ZHX2: variants seen among roughly 807,000 people sequenced by gnomAD.
ZHX2 encodes zinc fingers and homeoboxes protein 2.
ZHX2 carries 6 observed loss-of-function variants against 21.9 expected under a neutral mutation model. That is an observed-to-expected ratio of 0.27 (90% CI 0.15 to 0.54). ZHX2 has a LOEUF of 0.54. Ranked by LOEUF, ZHX2 falls within the 20% of genes least tolerant of loss-of-function variation. The pLI, the probability that ZHX2 is intolerant of heterozygous loss-of-function variation, is 0.95. For synonymous variants in ZHX2, 434 were observed against 437.1 expected (o/e 0.99, Z 0.09); for missense variants, 908 against 1,090.7 (o/e 0.83, Z 2.36).
intron 2 of ZHX2, among the ~76,000 whole-genome samples, chr8:122,906,716 G>C (rs1820357072): frequency 6.8e-6 from 1 of 146,192 alleles, no homozygotes; most frequent in Non-Finnish European, 1.5e-5. Flanking sequence ...TGTCACCCAG[G>C]CTGGAGTACA....
At chr8:122,882,426 T>C (rs893418078) in intron 2 of ZHX2, among the ~76,000 whole-genome samples, 6 of 151,876 alleles carry the variant, frequency 4.0e-5, no homozygotes, top group Admixed American at 3.9e-4. Flanking sequence ...CTCTCAAGAA[T>C]CTTCATGAAT....
At chr8:122,860,205 C>T (rs182590399) in intron 1 of ZHX2, among the ~76,000 whole-genome samples, 79 of 152,308 alleles carry the variant, frequency 5.2e-4, no homozygotes, top group African/African-American at 1.6e-3. Flanking sequence ...TGAGAACTCA[C>T]TCACTATCAT....
chr8:122,797,273 G>A (rs964381777), intron 1 of ZHX2, among the ~76,000 whole-genome samples: 2 of 152,140 alleles, frequency 1.3e-5, no homozygotes, highest in African/African-American at 4.8e-5. Context: ...CTAAAATTTT[G>A]TAGCCACTTC....
At chr8:122,884,464 G>A (rs1477292204) in intron 2 of ZHX2, among the ~76,000 whole-genome samples, 3 of 152,214 alleles carry the variant, frequency 2.0e-5, no homozygotes, top group African/African-American at 7.2e-5. Flanking sequence ...AAGTTCATTG[G>A]GGTGGAAAGA....
chr8:122,906,522 A>G (rs1820350085), intron 2 of ZHX2, among the ~76,000 whole-genome samples: 1 of 152,212 alleles, frequency 6.6e-6, no homozygotes, highest in Non-Finnish European at 1.5e-5. Flanking sequence ...CTTTGTGAAA[A>G]ATAAACTGCA....
chr8:122,854,541 G>T (rs569047023), intron 1 of ZHX2, among the ~76,000 whole-genome samples: 1 of 151,872 alleles, frequency 6.6e-6, no homozygotes, highest in African/African-American at 2.4e-5. Context: ...CCAGTCCCTC[G>T]ACGCCTCTTT....
At chr8:122,882,662 C>T (rs1282222736) in intron 2 of ZHX2, among the ~76,000 whole-genome samples, 1 of 152,152 alleles carries the variant, frequency 6.6e-6, no homozygotes, top group Non-Finnish European at 1.5e-5. Context: ...TTCCATCACA[C>T]CCCAGCCAGG....
chr8:122,902,229 C>A (rs1820250776), intron 2 of ZHX2, among the ~76,000 whole-genome samples: 1 of 152,166 alleles, frequency 6.6e-6, no homozygotes, highest in Non-Finnish European at 1.5e-5. Flanking sequence ...CTAGGTACTG[C>A]AGAAGCTGTT....
At chr8:122,831,629 T>C (rs1818379691) in intron 1 of ZHX2, among the ~76,000 whole-genome samples, 1 of 152,210 alleles carries the variant, frequency 6.6e-6, no homozygotes, top group African/African-American at 2.4e-5. Context: ...GGCTACCTGA[T>C]CTGCTAGCAC....
intron 1 of ZHX2, among the ~76,000 whole-genome samples, chr8:122,822,846 G>A (rs953053995): frequency 1.3e-5 from 2 of 152,252 alleles, no homozygotes; most frequent in African/African-American, 4.8e-5. Flanking sequence ...CTGCTCCCGA[G>A]AGAGGCGTTT....
At chr8:122,922,687 C>G (rs915205663) in intron 2 of ZHX2, among the ~76,000 whole-genome samples, 5 of 152,212 alleles carry the variant, frequency 3.3e-5, no homozygotes, top group African/African-American at 4.8e-5. Flanking sequence ...TCAAGAAGCA[C>G]AGCTTTAGAG....
intron 2 of ZHX2, among the ~76,000 whole-genome samples, chr8:122,901,988 C>A (rs552131991): frequency 3.3e-4 from 50 of 151,752 alleles, no homozygotes; most frequent in African/African-American, 1.2e-3. Flanking sequence ...TGTATTCTGC[C>A]TTTTTTTCAG....
At chr8:122,789,085 G>A (rs1222507360) in intron 1 of ZHX2, among the ~76,000 whole-genome samples, 1 of 152,226 alleles carries the variant, frequency 6.6e-6, no homozygotes, top group African/African-American at 2.4e-5. Flanking sequence ...GAGAATCTGG[G>A]TGCTCCTTTC....
At chr8:122,812,496 C>T (rs529283708) in intron 1 of ZHX2, among the ~76,000 whole-genome samples, 37 of 152,274 alleles carry the variant, frequency 2.4e-4, no homozygotes, top group Admixed American at 2.0e-3. Flanking sequence ...AAAAATGGCA[C>T]GGAGCTAGGG....
chr8:122,969,543 G>A lies in ZHX2; in HGVS notation c.*5-3699G>A, dbSNP rs546413177. On this transcript the variant is annotated intron_variant, in intron 3 of 3. Transcript: ENST00000314393. ...GCGGCTTTCTGCAAACGAGTTATAC[G>A]TCAATAAAGCTAGGGCAAAGAGGGA... is the stretch of plus-strand genomic sequence containing the variant. Among the ~76,000 whole-genome samples, 7 of 152,182 alleles carry A rather than the reference G, an allele frequency of 4.6e-5. No homozygotes were observed. In the South Asian group the frequency reaches 6.2e-4, roughly 14 times the overall value.
intron 1 of ZHX2, among the ~76,000 whole-genome samples, chr8:122,799,200 C>T (rs1393772466): frequency 6.6e-6 from 1 of 152,210 alleles, no homozygotes; most frequent in African/African-American, 2.4e-5. Context: ...TGATCCTGAT[C>T]ACCACCTATG....
chr8:122,857,579 C>T (rs147724021), intron 1 of ZHX2, among the ~76,000 whole-genome samples: 1 of 151,924 alleles, frequency 6.6e-6, no homozygotes, highest in South Asian at 2.1e-4. Context: ...CTCTTCTGTA[C>T]TCTTGGGGAA....
At chr8:122,927,085 T>C (rs1409104131) in intron 2 of ZHX2, among the ~76,000 whole-genome samples, 1 of 152,242 alleles carries the variant, frequency 6.6e-6, no homozygotes, top group Non-Finnish European at 1.5e-5. Context: ...ACAGGGATTA[T>C]GTGTTTTCTT....
intron 2 of ZHX2, among the ~76,000 whole-genome samples, chr8:122,944,700 G>A (rs1387405861): frequency 6.6e-6 from 1 of 152,208 alleles, no homozygotes; most frequent in African/African-American, 2.4e-5. Context: ...TAGGTGCTCT[G>A]TCAGTGTTTG....
Sources: gnomAD v4.1 joint callset for allele counts (sites outside exome capture counted in the v4.1 genomes callset) on GRCh38, gnomAD v4.1.1 for gene constraint, MANE v1.5 for transcripts, NCBI Gene and HGNC (gene_info 2026-07-23, HGNC 2026-07-21) for gene names.